The following OSR2 variants were observed in gnomAD, a reference collection of about 807,000 sequenced individuals.
OSR2 encodes protein odd-skipped-related 2.
In OSR2, 8 loss-of-function variants were observed where a neutral mutation model predicts 22.3. The observed-to-expected ratio is 0.36, with a 90% CI of 0.21 to 0.65. The LOEUF is 0.65. OSR2 is among the 30% of genes least tolerant of loss of function. The pLI, the probability that OSR2 is intolerant of heterozygous loss-of-function variation, is 0.66. For missense variants in OSR2, 311 were observed against 413.4 expected (o/e 0.75, Z 2.15); for synonymous variants, 179 against 173.8 (o/e 1.03, Z -0.23).
intron 3 of OSR2, 194 bp downstream of exon 3, chr8:98,950,949 T>C: frequency 1.6e-6 from 1 of 614,108 alleles, no homozygotes; most frequent in East Asian, 2.8e-5. Context: ...TTTATATTTT[T>C]CTCAAAAAAC....
chr8:98,949,553 A>G lies in OSR2; in HGVS notation c.601A>G (p.Thr201Ala), dbSNP rs773582439. 3 of 1,613,872 alleles carry G rather than the reference A, an allele frequency of 1.9e-6. No homozygotes were observed. The highest frequency in any genetic ancestry group is 2.5e-6 in the Non-Finnish European group (3 of 1,179,900). Residue 201 changes from threonine to alanine, a missense_variant, in exon 2 of 4, where the codon ACG becomes GCG. Coordinates refer to ENST00000297565, the MANE Select transcript of OSR2 (RefSeq NM_001142462.3). This position sits in a 1 kb window ranked among gnomAD's most constrained non-coding sequence, Gnocchi z 5.9. ...GACCCACACGGACGAGAGGCCGTAC[A>G]CGTGTGACATCTGCCACAAGGCCTT... is the stretch of plus-strand genomic sequence containing the variant. ...ERTHTDERPY[T>A]CDICHKAFRR...
chr8:98,949,434 G>T lies in OSR2; in HGVS notation c.482G>T (p.Arg161Leu), dbSNP rs751730409. The change falls in exon 2 of 4, where the codon CGA becomes CTA. Residue 161 changes from arginine to leucine, a missense_variant. Coordinates refer to ENST00000297565, the MANE Select transcript of OSR2 (RefSeq NM_001142462.3). The surrounding 1 kb of genome is among the most constrained non-coding windows in gnomAD (Gnocchi z 5.9). The stretch of plus-strand genomic sequence containing the variant: ...TTGACTCCGGACAGAAAGCCCTCTC[G>T]AGGAAGGTTGCCCTCCAAAACGAAA... ...SKLTPDRKPS[R>L]GRLPSKTKKE... is the part of the protein sequence containing the mutation. The T allele has an allele frequency of 6.2e-7, 1 of 1,614,026 alleles. No individual in the cohort carries two copies.
Position 98,948,114 on chromosome 8 carries a change from G to T in OSR2, c.-114-725G>T. On this transcript the variant is annotated intron_variant, in intron 1 of 3. Transcript: ENST00000297565. This position sits in a 1 kb window ranked among gnomAD's most constrained non-coding sequence, Gnocchi z 6.0. ...TGGATAGGAGGAGGGGGCGATTCTA[G>T]GCCGAATCCAGCCCCTGAGGTGTCA... The T allele has an allele frequency of 3.6e-6, 5 of 1,373,606 alleles. No individual in the cohort carries two copies. The South Asian group carries it at 6.8e-5, about 19-fold the overall frequency. The allele number at this position is 1,373,606 out of a possible 1,614,324, so 85.1% of individuals were successfully genotyped here.
At chr8:98,946,595 A>G (rs1372161427) in intron 1 of OSR2, among the ~76,000 whole-genome samples, 1 of 152,172 alleles carries the variant, frequency 6.6e-6, no homozygotes, top group African/African-American at 2.4e-5. Flanking sequence ...AACCTGAATT[A>G]TATTAGTCGT....
In OSR2 at chr8:98,948,763, C is replaced by A; in HGVS notation, c.-114-76C>A. On this transcript the variant is annotated intron_variant, in intron 1 of 3. Transcript: ENST00000297565. This position sits in a 1 kb window ranked among gnomAD's most constrained non-coding sequence, Gnocchi z 6.0. ...AGGGAGACTTAGGTGTGGTAACCTG[C>A]GCAGGTGCCAAAGGGCAGAAGGAGC... 7.0e-7 allele frequency: 1 copy of A among 1,435,922 alleles called. No individual in the cohort carries two copies. The highest frequency in any genetic ancestry group is 9.2e-7 in the Non-Finnish European group (1 of 1,085,730). The allele number at this position is 1,435,922 out of a possible 1,614,324, so 88.9% of individuals were successfully genotyped here. A position where few individuals can be genotyped will look rare whatever the true frequency, so the allele number is the denominator to read the frequency against.
chr8:98,946,006 A>G (rs1226338044), intron 1 of OSR2: 1 of 152,182 alleles, frequency 6.6e-6, no homozygotes, highest in African/African-American at 2.4e-5. Context: ...TTACTTCTTA[A>G]TTTTTTTCTC....
Position 98,948,559 on chromosome 8 carries a change from A to G in OSR2, c.-114-280A>G. On this transcript the variant is annotated intron_variant, in intron 1 of 3. Transcript: ENST00000297565. This position sits in a 1 kb window ranked among gnomAD's most constrained non-coding sequence, Gnocchi z 6.0. ...GCCTTTCGTTTTCCTGGGACCGAGGAGTCTTCCGCTCCGTATCTGCCTAGA... is the reference window on the plus strand; with the variant it reads ...GCCTTTCGTTTTCCTGGGACCGAGGGGTCTTCCGCTCCGTATCTGCCTAGA... 1 of 1,216,660 alleles carries G rather than the reference A, an allele frequency of 8.2e-7. No individual in the cohort carries two copies. The highest frequency in any genetic ancestry group is 1.1e-6 in the Non-Finnish European group (1 of 907,786). 75.4% of individuals were successfully genotyped at this position (1,216,660 alleles called of 1,614,324 possible).
At chr8:98,950,793 C>T in intron 3 of OSR2, 38 bp downstream of exon 3, 2 of 1,357,892 alleles carry the variant, frequency 1.5e-6, no homozygotes, top group Non-Finnish European at 2.1e-6. Context: ...GTGGCTGGTT[C>T]GTGTTATCAT....
Position 98,948,130 on chromosome 8 carries a change from T to C in OSR2, c.-114-709T>C, listed in dbSNP as rs1840664227. 2 of 1,386,188 alleles carry C rather than the reference T, an allele frequency of 1.4e-6. No homozygotes were observed. The highest frequency in any genetic ancestry group is 3.3e-5 in the South Asian group (2 of 60,998). 85.9% of individuals were successfully genotyped at this position (1,386,188 alleles called of 1,614,324 possible). On this transcript the variant is annotated intron_variant, in intron 1 of 3. Coordinates refer to ENST00000297565, the MANE Select transcript of OSR2 (RefSeq NM_001142462.3). The surrounding 1 kb of genome is among the most constrained non-coding windows in gnomAD (Gnocchi z 6.0). ...GCGATTCTAGGCCGAATCCAGCCCC[T>C]GAGGTGTCACTTTTCTTTCCTGCGG... is the stretch of plus-strand genomic sequence containing the variant.
chr8:98,948,935 C>G lies in OSR2; in HGVS notation c.-18C>G. 6.2e-7 allele frequency: 1 copy of G among 1,613,848 alleles called. No individual in the cohort carries two copies. Among genetic ancestry groups the G allele is most frequent in the Non-Finnish European group, 8.5e-7 (1 of 1,179,898 alleles). ...GAAGAAAGGGTTGGTCCCCTCAGCA[C>G]CCCCAGCATCCCGGAAAATGGGGAG... is the stretch of plus-strand genomic sequence containing the variant. On this transcript the variant is annotated 5_prime_UTR_variant, in exon 2 of 4. Coordinates refer to ENST00000297565, the MANE Select transcript of OSR2 (RefSeq NM_001142462.3). This position sits in a 1 kb window ranked among gnomAD's most constrained non-coding sequence, Gnocchi z 6.0.
rs542370359 is a variant in OSR2 at position 98,944,525 on chromosome 8, A to C, written c.-413A>C. On this transcript the variant is annotated 5_prime_UTR_variant, in exon 1 of 4. Transcript: ENST00000297565. ...TGGCCCTGCAAGGCTGTGGGCTCCGACCTCACCGGGAGTCGACAGCGAGAG... is the reference window on the plus strand; with the variant it reads ...TGGCCCTGCAAGGCTGTGGGCTCCGCCCTCACCGGGAGTCGACAGCGAGAG... 6.6e-6 allele frequency: 1 copy of C among 152,318 alleles called. No individual in the cohort carries two copies. The highest frequency in any genetic ancestry group is 2.1e-4 in the South Asian group (1 of 4,816). The allele number at this position is 152,318 out of a possible 1,614,324, so 9.4% of individuals were successfully genotyped here.
At chr8:98,946,110 T>A (rs1331472567) in intron 1 of OSR2, 1 of 152,256 alleles carries the variant, frequency 6.6e-6, no homozygotes, top group Non-Finnish European at 1.5e-5. Context: ...TTTCTCCACA[T>A]GCCTGGAAAT....
Position 98,951,726 on chromosome 8 carries a change from C to A in OSR2, c.*25C>A. The A allele has an allele frequency of 6.3e-7, 1 of 1,590,252 alleles. No homozygotes were observed. The highest frequency in any genetic ancestry group is 2.3e-5 in the East Asian group (1 of 43,660). ...GAGAAGCCCAGGATCTGTCCCGTGCCGCCGCTGCTCCCCTCCCCAGACACC... is the reference window on the plus strand; with the variant it reads ...GAGAAGCCCAGGATCTGTCCCGTGCAGCCGCTGCTCCCCTCCCCAGACACC... On this transcript the variant is annotated 3_prime_UTR_variant, in exon 4 of 4. Coordinates refer to ENST00000297565, the MANE Select transcript of OSR2 (RefSeq NM_001142462.3).
rs573243640 is a variant in OSR2, at chr8:98,946,909, G to GA, written c.-114-1925dup. ...AAGAGGTTGCTTTTCAACACGAAGGGAAAAATAATATTTTGAATCTCTGGA... is the reference window on the plus strand; with the variant it reads ...AAGAGGTTGCTTTTCAACACGAAGGGAAAAAATAATATTTTGAATCTCTGGA... On this transcript the variant is annotated intron_variant, in intron 1 of 3. Transcript: ENST00000297565. Among the ~76,000 whole-genome samples the GA allele has an allele frequency of 1.4e-4, 22 of 152,070 alleles. No homozygotes were observed. In the East Asian group the frequency reaches 3.3e-3, roughly 23 times the overall value.
At chr8:98,950,922 G>T (rs190857300) in intron 3 of OSR2, 167 bp downstream of exon 3, 1 of 640,656 alleles carries the variant, frequency 1.6e-6, no homozygotes, top group East Asian at 2.8e-5. Flanking sequence ...AATTAATCTT[G>T]TTTAACATAA....
intron 3 of OSR2, chr8:98,951,068 A>G: frequency 1.8e-6 from 1 of 546,646 alleles, no homozygotes; most frequent in Non-Finnish European, 3.2e-6. Flanking sequence ...TTGATAATGG[A>G]GGCATAGTGA....
At chr8:98,950,089 C>T (rs1027075386) in intron 2 of OSR2, among the ~76,000 whole-genome samples, 1 of 150,346 alleles carries the variant, frequency 6.7e-6, no homozygotes, top group African/African-American at 2.4e-5. Context: ...TTGAGGTCAC[C>T]GAATTTACAA....
At position 98,948,430 on chromosome 8, in the gene OSR2, C is replaced by A; in HGVS notation, c.-114-409C>A. The A allele has an allele frequency of 8.6e-7, 1 of 1,165,160 alleles. No homozygotes were observed. The highest frequency in any genetic ancestry group is 1.1e-6 in the Non-Finnish European group (1 of 936,774). The allele number at this position is 1,165,160 out of a possible 1,614,324, so 72.2% of individuals were successfully genotyped here. A position where few individuals can be genotyped will look rare whatever the true frequency, so the allele number is the denominator to read the frequency against. On this transcript the variant is annotated intron_variant, in intron 1 of 3. Coordinates refer to ENST00000297565, the MANE Select transcript of OSR2 (RefSeq NM_001142462.3). This position sits in a 1 kb window ranked among gnomAD's most constrained non-coding sequence, Gnocchi z 6.0. ...GCGCAGCGGCGACAGAGGTTCGCCC[C>A]GGCCTGCTAGCATTGGCATTGCGGT...
chr8:98,951,797 G>A lies in OSR2; in HGVS notation c.*96G>A, dbSNP rs781648048. 168 of 1,264,912 alleles carry A rather than the reference G, an allele frequency of 1.3e-4. No homozygotes were observed. Among genetic ancestry groups the A allele is most frequent in the Non-Finnish European group, 1.8e-4 (164 of 929,910 alleles). 78.4% of individuals were successfully genotyped at this position (1,264,912 alleles called of 1,614,324 possible). The stretch of plus-strand genomic sequence containing the variant: ...GGGGTCGCATCCCTAGCCCTTCACT[G>A]ACCCCAGCTCTTCCCTTGCTGCAGC... On this transcript the variant is annotated 3_prime_UTR_variant, in exon 4 of 4. Coordinates refer to ENST00000297565, the MANE Select transcript of OSR2 (RefSeq NM_001142462.3).
Sources: allele counts gnomAD v4.1 joint callset (sites outside exome capture counted in the v4.1 genomes callset), GRCh38; gene constraint gnomAD v4.1.1; non-coding constraint Gnocchi (gnomAD v3.1); transcripts MANE v1.5; gene names NCBI Gene and HGNC (gene_info 2026-07-23, HGNC 2026-07-21).